SYNE1: variants seen among roughly 807,000 people sequenced by gnomAD.
The protein encoded by SYNE1 is nesprin-1.
Under a neutral mutation model 1,111.0 loss-of-function variants are expected in SYNE1, and 616 were observed. The observed-to-expected ratio is 0.55, with a 90% CI of 0.52 to 0.59. The LOEUF (loss-of-function observed/expected upper bound fraction) is 0.59. Ranked by LOEUF, SYNE1 falls within the 20% of genes least tolerant of loss-of-function variation. The pLI is 0.00. For missense variants in SYNE1, 10,006 were observed against 10,417.0 expected (o/e 0.96, Z 1.72); for synonymous variants, 3,855 against 3,825.8 (o/e 1.01, Z -0.28).
At chr6:152,453,447 T>G in intron 25 of SYNE1, 139 bp downstream of exon 25, 1 of 1,253,488 alleles carries the variant, frequency 8.0e-7, no homozygotes, top group Admixed American at 1.8e-5. Context: ...TAAGTCCAGT[T>G]TTTTGAGTTT....
chr6:152,399,269 T>C (rs1441570571), intron 48 of SYNE1, among the ~76,000 whole-genome samples: 1 of 152,128 alleles, frequency 6.6e-6, no homozygotes, highest in Non-Finnish European at 1.5e-5. Context: ...CATCATAGCA[T>C]AAAAAATTTC....
At chr6:152,299,247 A>G (rs1361645241) in intron 93 of SYNE1, among the ~76,000 whole-genome samples, 1 of 152,220 alleles carries the variant, frequency 6.6e-6, no homozygotes, top group East Asian at 1.9e-4. Context: ...ACCATATTAA[A>G]TAGAACAATT....
intron 137 of SYNE1, chr6:152,147,620 A>C (rs2059746925): frequency 5.7e-6 from 1 of 173,928 alleles, no homozygotes; most frequent in South Asian, 1.3e-4. Flanking sequence ...ACCAACTGCG[A>C]TTCACCCTCT....
rs1204647515 is a variant in SYNE1, at chr6:152,347,115, C to T, written c.12022G>A (p.Ala4008Thr). The change falls in exon 73 of 146, where the codon GCT (alanine) becomes ACT (threonine). Residue 4008 changes from alanine (A) to threonine (T), a missense_variant. Physicochemically the swap from Ala to Thr is moderately conservative, Grantham distance 58 (BLOSUM62 0). Coordinates refer to ENST00000367255, the MANE Select transcript of SYNE1 (RefSeq NM_182961.4). ...CTGTCCTTTGTGCCCTGCAGATGAG[C>T]ATGCACGTTTTGTTTAAGTTTCGCT... The part of the protein sequence containing the change: ...LQAKLKQNVH[A>T]HLQGTKDSYS... 1 of 1,614,064 alleles carries T rather than the reference C, an allele frequency of 6.2e-7. No homozygotes were observed. Among genetic ancestry groups the T allele is most frequent in the African/African-American group, 1.3e-5 (1 of 74,932 alleles).
Position 152,465,396 on chromosome 6 carries a change from T to G in SYNE1, c.1794A>C (p.Ser598=), listed in dbSNP as rs141424852. 1,323 of 1,613,818 alleles carry G rather than the reference T, an allele frequency of 8.2e-4. 8 individuals carry two copies. The African/African-American group carries it at 0.011, about 13-fold the overall frequency. ...NETTAQWRNL[S]VEVRSVRSML... ...TGCTCCTCACACTCCTCACTTCTAC[T>G]GAGAGATTCCTCCACTGAGCGGTGG... The change falls in exon 18 of 146, where the codon TCA becomes TCC. Residue 598 remains serine, a synonymous_variant. Transcript: ENST00000367255.
intron 3 of SYNE1, among the ~76,000 whole-genome samples, chr6:152,566,420 A>G (rs984378801): frequency 9.5e-6 from 1 of 105,196 alleles, no homozygotes; most frequent in African/African-American, 3.4e-5. Context: ...ATCCACATTA[A>G]AAAAAAATAG....
At chr6:152,418,131 A>G (rs1044193523) in intron 40 of SYNE1, among the ~76,000 whole-genome samples, 11 of 152,182 alleles carry the variant, frequency 7.2e-5, no homozygotes, top group Non-Finnish European at 1.5e-4. Context: ...GCAGATCCTG[A>G]CCTTTTCTTT....
chr6:152,145,511 C>A (rs2059322603), intron 137 of SYNE1: 2 of 1,613,900 alleles, frequency 1.2e-6, no homozygotes, highest in African/African-American at 2.7e-5. Context: ...ATTGCATTTT[C>A]TGTGAGTTTT....
intron 137 of SYNE1, 115 bp from the exon 138 acceptor site, chr6:152,143,880 GGT>G: frequency 6.7e-7 from 1 of 1,488,876 alleles, no homozygotes; most frequent in Non-Finnish European, 9.3e-7. Context: ...AGAAATGGCA[GGT>G]GTGGGTAATT....
At chr6:152,200,324 C>T (rs1038683388) in intron 127 of SYNE1, among the ~76,000 whole-genome samples, 7 of 152,130 alleles carry the variant, frequency 4.6e-5, no homozygotes, top group African/African-American at 1.7e-4. Flanking sequence ...TTGTTAATGC[C>T]AACTGAGATA....
intron 66 of SYNE1, among the ~76,000 whole-genome samples, chr6:152,356,290 T>C (rs904293570): frequency 2.0e-5 from 3 of 151,906 alleles, no homozygotes; most frequent in Admixed American, 2.0e-4. Flanking sequence ...CCCTGGACAG[T>C]AGTTGACTAA....
At chr6:152,149,390 G>T in intron 136 of SYNE1, 87 bp downstream of exon 136, 1 of 1,515,054 alleles carries the variant, frequency 6.6e-7, no homozygotes, top group Non-Finnish European at 9.2e-7. Flanking sequence ...CAGAGTCTGA[G>T]CTCTCACCCA....
intron 3 of SYNE1, among the ~76,000 whole-genome samples, chr6:152,605,829 T>C (rs1295761930): frequency 6.6e-6 from 1 of 152,208 alleles, no homozygotes; most frequent in East Asian, 1.9e-4. Flanking sequence ...AAAGGTATTT[T>C]TTTTCTTTTT....
intron 9 of SYNE1, among the ~76,000 whole-genome samples, chr6:152,503,117 A>G (rs1214541461): frequency 6.6e-6 from 1 of 152,188 alleles, no homozygotes; most frequent in Non-Finnish European, 1.5e-5. Context: ...AATAATATGT[A>G]AATTTTAGAA....
intron 104 of SYNE1, among the ~76,000 whole-genome samples, chr6:152,251,728 C>CA (rs1199092533): frequency 1.3e-5 from 2 of 151,940 alleles, no homozygotes; most frequent in Non-Finnish European, 2.9e-5. Context: ...CACTGCACTC[C>CA]AGCCTGGGTG....
Position 152,413,472 on chromosome 6 carries a change from C to A in SYNE1, c.6110G>T (p.Trp2037Leu). 1 of 1,614,110 alleles carries A rather than the reference C, an allele frequency of 6.2e-7. No homozygotes were observed. The part of the protein sequence containing the change: ...ELNSHEHELC[W>L]LKDKAKQIAQ... ...AATTTGCTTGGCTTTGTCTTTCAACCAACATAGTTCATGCTCGTGAGAATT... is the reference window on the plus strand; with the variant it reads ...AATTTGCTTGGCTTTGTCTTTCAACAAACATAGTTCATGCTCGTGAGAATT... The change falls in exon 42 of 146, where the codon TGG becomes TTG. Residue 2037 changes from tryptophan (W) to leucine (L), a missense_variant. This residue lies in a region of SYNE1 where 4,955 missense variants were observed against 5,017.2 expected (regional missense o/e 0.99). Transcript: ENST00000367255.
chr6:152,418,227 C>G (rs2098194365), intron 40 of SYNE1, among the ~76,000 whole-genome samples: 1 of 152,052 alleles, frequency 6.6e-6, no homozygotes, highest in East Asian at 1.9e-4. Context: ...AAAGCTCTGG[C>G]CAGTTTTTTC....
intron 44 of SYNE1, among the ~76,000 whole-genome samples, chr6:152,407,450 A>T (rs951228053): frequency 8.5e-5 from 13 of 152,212 alleles, no homozygotes; most frequent in African/African-American, 2.9e-4. Flanking sequence ...GGATACTAAC[A>T]ACAACAGGTC....
chr6:152,488,086 A>AAAAATC (rs1009825230), intron 12 of SYNE1, among the ~76,000 whole-genome samples: 1 of 151,934 alleles, frequency 6.6e-6, no homozygotes, highest in African/African-American at 2.4e-5. Flanking sequence ...AAAAAAAAAA[A>AAAAATC]AAATCATGAG....
Sources: gnomAD v4.1 joint callset for allele counts (sites outside exome capture counted in the v4.1 genomes callset) on GRCh38, gnomAD v4.1.1 for gene constraint, gnomAD v4.1.1 regional missense constraint, MANE v1.5 for transcripts, NCBI Gene and HGNC (gene_info 2026-07-23, HGNC 2026-07-21) for gene names.